Variants in CDH12 observed in about 807,000 individuals in gnomAD.
CDH12 encodes cadherin 12.
CDH12 carries 41 observed loss-of-function variants against 74.1 expected under a neutral mutation model. That is an observed-to-expected ratio of 0.55 (90% CI 0.43 to 0.72). The LOEUF is 0.72. CDH12 is among the 30% of genes least tolerant of loss of function. The pLI is 0.00. For missense variants in CDH12, 945 were observed against 977.2 expected (o/e 0.97, Z 0.44); for synonymous variants, 399 against 355.0 (o/e 1.12, Z -1.39).
At chr5:22,414,549 T>G (rs1743301713) in intron 2 of CDH12, among the ~76,000 whole-genome samples, 1 of 151,992 alleles carries the variant, frequency 6.6e-6, no homozygotes, top group African/African-American at 2.4e-5. Flanking sequence ...GGGGTAGGGT[T>G]GAAATGTAAG....
At chr5:22,117,989 C>G (rs1745273917) in intron 4 of CDH12, among the ~76,000 whole-genome samples, 1 of 152,072 alleles carries the variant, frequency 6.6e-6, no homozygotes, top group Non-Finnish European at 1.5e-5. Flanking sequence ...TTTGTGCACA[C>G]TCGTATATGA....
At chr5:21,889,083 C>G (rs1038798090) in intron 6 of CDH12, among the ~76,000 whole-genome samples, 1 of 151,780 alleles carries the variant, frequency 6.6e-6, no homozygotes, top group Non-Finnish European at 1.5e-5. Context: ...ATTTTAGGTG[C>G]TATTCATATT....
intron 10 of CDH12, among the ~76,000 whole-genome samples, chr5:21,800,012 G>A (rs1415005871): frequency 6.6e-6 from 1 of 152,072 alleles, no homozygotes; most frequent in East Asian, 1.9e-4. Flanking sequence ...TTGAGACTAA[G>A]GTTTAATGGA....
chr5:22,517,305 T>A (rs1736853757), intron 1 of CDH12, among the ~76,000 whole-genome samples: 1 of 152,092 alleles, frequency 6.6e-6, no homozygotes, highest in East Asian at 1.9e-4. Context: ...CTTATTTAAT[T>A]AATATTATTT....
At chr5:22,148,666 C>T (rs1287379435) in intron 4 of CDH12, among the ~76,000 whole-genome samples, 2 of 152,352 alleles carry the variant, frequency 1.3e-5, no homozygotes, top group South Asian at 2.1e-4. Context: ...TCTTATTCCT[C>T]TTTCCTAGCT....
chr5:22,603,457 C>A (rs1349793894), intron 1 of CDH12, among the ~76,000 whole-genome samples: 1 of 152,074 alleles, frequency 6.6e-6, no homozygotes, highest in Non-Finnish European at 1.5e-5. Flanking sequence ...ACAGCCATAC[C>A]TACATATATG....
chr5:22,808,830 A>G (rs1324236835), intron 1 of CDH12, among the ~76,000 whole-genome samples: 1 of 134,420 alleles, frequency 7.4e-6, no homozygotes, highest in African/African-American at 2.8e-5. Context: ...GATGTTCTCA[A>G]TCTCTTGACC....
chr5:21,817,157 T>C, intron 8 of CDH12, 25 bp from the exon 9 acceptor site: 1 of 1,530,708 alleles, frequency 6.5e-7, no homozygotes, highest in Non-Finnish European at 9.0e-7. Context: ...AAAATTTGAA[T>C]TGACAGTGGG....
At chr5:22,802,119 ATTTTTTTTTT>A (rs397883677) in intron 1 of CDH12, among the ~76,000 whole-genome samples, 1 of 123,560 alleles carries the variant, frequency 8.1e-6, no homozygotes, top group African/African-American at 3.1e-5. Context: ...TTAAATTCGT[ATTTTTTTTTT>A]TTTTTTTTTT....
At chr5:22,273,363 C>A (rs779148533) in intron 3 of CDH12, among the ~76,000 whole-genome samples, 1 of 152,146 alleles carries the variant, frequency 6.6e-6, no homozygotes, top group Non-Finnish European at 1.5e-5. Flanking sequence ...TGCAAGGTTG[C>A]CACAAACGTT....
intron 4 of CDH12, among the ~76,000 whole-genome samples, chr5:22,210,561 G>A (rs1233891219): frequency 2.0e-5 from 3 of 151,670 alleles, no homozygotes; most frequent in African/African-American, 7.3e-5. Context: ...GTGTATTGGG[G>A]ATTTGTTGTT....
intron 5 of CDH12, among the ~76,000 whole-genome samples, chr5:22,043,294 T>C (rs1016313888): frequency 2.0e-5 from 3 of 152,156 alleles, no homozygotes; most frequent in Non-Finnish European, 4.4e-5. Context: ...AATTAATATA[T>C]GCAAATCAAT....
chr5:22,575,627 C>A (rs377106413), intron 1 of CDH12, among the ~76,000 whole-genome samples: 1 of 152,052 alleles, frequency 6.6e-6, no homozygotes, highest in African/African-American at 2.4e-5. Context: ...TGCACTGTTG[C>A]GATCTCGGAT....
At chr5:22,572,514 AT>A (rs1398223644) in intron 1 of CDH12, among the ~76,000 whole-genome samples, 2 of 151,942 alleles carry the variant, frequency 1.3e-5, no homozygotes, top group Non-Finnish European at 1.5e-5. Context: ...TTCCCCCAGG[AT>A]TAATTTTTTT....
At chr5:21,854,300 C>G (rs116499119) in intron 7 of CDH12, among the ~76,000 whole-genome samples, 4,148 of 151,620 alleles carry the variant, frequency 0.027, 74 homozygotes, top group South Asian at 0.045. Flanking sequence ...CAGGATGTTA[C>G]CATGTATTGT....
chr5:21,806,699 C>G (rs2149930384), intron 9 of CDH12, among the ~76,000 whole-genome samples: 1 of 152,206 alleles, frequency 6.6e-6, no homozygotes, highest in Middle Eastern at 3.4e-3. Context: ...CTTTTGTGGC[C>G]CAAGAGCCTA....
intron 1 of CDH12, among the ~76,000 whole-genome samples, chr5:22,824,706 C>T (rs1749920170): frequency 6.6e-6 from 1 of 151,348 alleles, no homozygotes; most frequent in Non-Finnish European, 1.5e-5. Flanking sequence ...ATAAACTTTG[C>T]AAATATTTAA....
At chr5:22,151,901 T>C (rs1402819055) in intron 4 of CDH12, 1 of 152,120 alleles carries the variant, frequency 6.6e-6, no homozygotes, top group Admixed American at 6.6e-5. Context: ...CAGATAGTTA[T>C]GACTCAAGGC....
chr5:22,513,021 G>T (rs1736675514), intron 1 of CDH12, among the ~76,000 whole-genome samples: 1 of 152,138 alleles, frequency 6.6e-6, no homozygotes, highest in Admixed American at 6.5e-5. Flanking sequence ...TGGACAACAG[G>T]GCGAGACGCT....
Sources: allele counts gnomAD v4.1 joint callset (sites outside exome capture counted in the v4.1 genomes callset), GRCh38; gene constraint gnomAD v4.1.1; transcripts MANE v1.5; gene names NCBI Gene and HGNC (gene_info 2026-07-23, HGNC 2026-07-21).